LUZP2: variants seen among roughly 807,000 people sequenced by gnomAD.
The protein encoded by LUZP2 is leucine zipper protein 2.
Under a neutral mutation model 51.6 loss-of-function variants are expected in LUZP2, and 52 were observed. The observed-to-expected ratio is 1.01, with a 90% CI of 0.81 to 1.27. The LOEUF (loss-of-function observed/expected upper bound fraction) is 1.27, where lower values mean the gene tolerates loss of function less well. Ranked by LOEUF, LUZP2 falls within the 50% of genes most tolerant of loss-of-function variation. LUZP2 has a pLI of 0.00. For missense variants in LUZP2, 436 were observed against 395.4 expected (o/e 1.10, Z -0.87); for synonymous variants, 154 against 137.3 (o/e 1.12, Z -0.85).
At chr11:24,875,564 C>G (rs181510228) in intron 5 of LUZP2, among the ~76,000 whole-genome samples, 2 of 146,516 alleles carry the variant, frequency 1.4e-5, no homozygotes, top group African/African-American at 5.0e-5. Flanking sequence ...AATAAACATA[C>G]GTGTGCATGT....
intron 5 of LUZP2, among the ~76,000 whole-genome samples, chr11:24,887,108 A>T (rs997916546): frequency 6.6e-6 from 1 of 151,976 alleles, no homozygotes; most frequent in African/African-American, 2.4e-5. Context: ...GACCTCTTTC[A>T]CTGTGCTGCT....
chr11:24,752,193 T>G (rs1031035947), intron 4 of LUZP2, among the ~76,000 whole-genome samples: 1 of 152,020 alleles, frequency 6.6e-6, no homozygotes, highest in Admixed American at 6.6e-5. Flanking sequence ...TCGTGAAATT[T>G]TAAAATATCA....
rs1852718985 is a variant in LUZP2 at position 24,578,114 on chromosome 11, T to G, written c.62+80809T>G. Among the ~76,000 whole-genome samples, 3 of 152,066 alleles carry G rather than the reference T, an allele frequency of 2.0e-5. No homozygotes were observed. The South Asian group carries it at 6.2e-4, about 31-fold the overall frequency. On this transcript the variant is annotated intron_variant, in intron 1 of 11. Transcript: ENST00000336930. The stretch of plus-strand genomic sequence containing the variant: ...AATGGAAAAACTCAAACATAAATAC[T>G]GTTATTTTACTCCTTAATTTTAAAA...
intron 10 of LUZP2, among the ~76,000 whole-genome samples, chr11:25,071,807 TTAAAG>T (rs1434206872): frequency 3.4e-5 from 5 of 148,046 alleles, no homozygotes; most frequent in South Asian, 4.3e-4. Context: ...GCCCTAAAAC[TTAAAG>T]TATAGTAAAA....
chr11:24,633,581 T>A (rs960081427), intron 1 of LUZP2, among the ~76,000 whole-genome samples: 1 of 152,032 alleles, frequency 6.6e-6, no homozygotes, highest in African/African-American at 2.4e-5. Context: ...CTTGAAGGTA[T>A]AAGCTCAAAA....
chr11:24,548,759 A>C (rs998240001), intron 1 of LUZP2, among the ~76,000 whole-genome samples: 1 of 152,022 alleles, frequency 6.6e-6, no homozygotes, highest in African/African-American at 2.4e-5. Flanking sequence ...TGAAGGGAGA[A>C]GTTTTTAAAA....
intron 1 of LUZP2, among the ~76,000 whole-genome samples, chr11:24,643,257 A>G (rs1305903234): frequency 5.4e-5 from 6 of 111,832 alleles, no homozygotes; most frequent in African/African-American, 1.4e-4. Flanking sequence ...AAAAGTACAA[A>G]AAAAAAAAAA....
chr11:24,626,921 T>C (rs1332644731), intron 1 of LUZP2, among the ~76,000 whole-genome samples: 6 of 152,224 alleles, frequency 3.9e-5, no homozygotes, highest in Admixed American at 3.9e-4. Context: ...CTACTCCATG[T>C]GACATTTGAA....
intron 5 of LUZP2, among the ~76,000 whole-genome samples, chr11:24,875,712 C>G (rs925841670): frequency 6.6e-6 from 1 of 151,750 alleles, no homozygotes; most frequent in African/African-American, 2.4e-5. Flanking sequence ...AGTTTACAGT[C>G]CCACCAACAG....
chr11:24,996,722 A>C (rs2133934976), intron 9 of LUZP2, among the ~76,000 whole-genome samples: 1 of 151,626 alleles, frequency 6.6e-6, no homozygotes, highest in Non-Finnish European at 1.5e-5. Flanking sequence ...GCACCCATTA[A>C]CTCGTCATTT....
chr11:25,053,686 C>G (rs1293095674), intron 10 of LUZP2, among the ~76,000 whole-genome samples: 1 of 152,010 alleles, frequency 6.6e-6, no homozygotes, highest in African/African-American at 2.4e-5. Context: ...ATTTCTTTAT[C>G]CATTCACCAA....
intron 7 of LUZP2, among the ~76,000 whole-genome samples, chr11:24,970,282 T>A (rs955050671): frequency 1.3e-4 from 20 of 152,284 alleles, no homozygotes; most frequent in Admixed American, 1.3e-3. Flanking sequence ...TACCTTTATA[T>A]CACATTCATG....
At chr11:24,814,933 A>G (rs1850131024) in intron 5 of LUZP2, among the ~76,000 whole-genome samples, 1 of 151,036 alleles carries the variant, frequency 6.6e-6, no homozygotes, top group African/African-American at 2.4e-5. Flanking sequence ...TGGAGCTTGC[A>G]GTGAGCTGAG....
chr11:24,884,188 G>A (rs759064022), intron 5 of LUZP2, among the ~76,000 whole-genome samples: 46 of 151,972 alleles, frequency 3.0e-4, no homozygotes, highest in Non-Finnish European at 5.3e-4. Context: ...TTCTTTCCTG[G>A]TGGGATTGGA....
At chr11:24,925,184 G>A (rs1854189227) in intron 7 of LUZP2, among the ~76,000 whole-genome samples, 1 of 152,132 alleles carries the variant, frequency 6.6e-6, no homozygotes, top group Admixed American at 6.6e-5. Context: ...GCTACAAAGA[G>A]TCTGCTTTGC....
chr11:24,560,342 A>G (rs958492766), intron 1 of LUZP2, among the ~76,000 whole-genome samples: 1 of 152,226 alleles, frequency 6.6e-6, no homozygotes, highest in Admixed American at 6.5e-5. Flanking sequence ...AACATATTGT[A>G]TAAAGCAAAT....
chr11:24,773,629 G>T (rs536257034), intron 5 of LUZP2, among the ~76,000 whole-genome samples: 2 of 152,264 alleles, frequency 1.3e-5, no homozygotes, highest in Admixed American at 1.3e-4. Context: ...TCACAAAGGT[G>T]TGTGAATTAT....
At chr11:24,911,502 G>C (rs570162980) in intron 6 of LUZP2, among the ~76,000 whole-genome samples, 1 of 152,238 alleles carries the variant, frequency 6.6e-6, no homozygotes, top group Admixed American at 6.5e-5. Context: ...GTTCTCAGGA[G>C]ATCCAATGGT....
At position 24,828,064 on chromosome 11, in the gene LUZP2, C is replaced by T. The variant is rs144746702; in HGVS notation, c.396+64756C>T. 7.9e-3 allele frequency among the ~76,000 whole-genome samples: 1,206 copies of T among 151,870 alleles called. 11 individuals carry two copies. Among genetic ancestry groups the T allele is most frequent in the Middle Eastern group, 0.058 (17 of 292 alleles). On this transcript the variant is annotated intron_variant, in intron 5 of 11. Coordinates refer to ENST00000336930, the MANE Select transcript of LUZP2 (RefSeq NM_001009909.4). ...ACACACACACATACACACACACAGACGCAGACACACACACGCACAAAAGAA... is the reference window on the plus strand; with the variant it reads ...ACACACACACATACACACACACAGATGCAGACACACACACGCACAAAAGAA...
Sources: gnomAD v4.1 joint callset for allele counts (sites outside exome capture counted in the v4.1 genomes callset) on GRCh38, gnomAD v4.1.1 for gene constraint, MANE v1.5 for transcripts, NCBI Gene and HGNC (gene_info 2026-07-23, HGNC 2026-07-21) for gene names.